The following MX2 variants were observed in gnomAD, a reference collection of about 807,000 sequenced individuals.
MX2 encodes MX dynamin like GTPase 2.
In MX2, 51 loss-of-function variants were observed where a neutral mutation model predicts 74.0. The ratio of observed to expected loss-of-function variants is 0.69; its 90% confidence interval spans 0.55 to 0.87. The LOEUF (loss-of-function observed/expected upper bound fraction) is 0.87, where lower values mean the gene tolerates loss of function less well. MX2 is among the 40% of genes least tolerant of loss of function. The pLI, the probability that MX2 is intolerant of heterozygous loss-of-function variation, is 0.00. For missense variants in MX2, 832 were observed against 908.7 expected (o/e 0.92, Z 1.09); for synonymous variants, 369 against 339.3 (o/e 1.09, Z -0.96).
At chr21:41,370,394 ATGTAAGGAAAGGGGCC>A (rs2089308247) in intron 1 of MX2, 1 of 152,278 alleles carries the variant, frequency 6.6e-6, no homozygotes, top group South Asian at 2.1e-4. Flanking sequence ...CATTGGCACC[ATGTAAGGAAAGGGGCC>A]CTCCCGTGGC....
Position 41,406,923 on chromosome 21 carries a change from C to T in MX2, c.1830C>T (p.Asn610=). 6.2e-7 allele frequency: 1 copy of T among 1,614,120 alleles called. No individual in the cohort carries two copies. The highest frequency in any genetic ancestry group is 8.5e-7 in the Non-Finnish European group (1 of 1,179,956). Residue 610 remains asparagine, a synonymous_variant, in exon 13 of 14, where the codon AAC becomes AAT. Coordinates refer to ENST00000330714, the MANE Select transcript of MX2 (RefSeq NM_002463.2). ...LGTPSQNMKL[N]SHFPSNESSV... is the part of the protein sequence containing the mutation. ...CGCCTTCACAGAATATGAAGTTGAA[C>T]TCTCATTTTCCCAGTAATGAGTCTT...
In MX2 at chr21:41,393,093, AT is replaced by A. The variant is rs568880774; in HGVS notation, c.871+2392del. Among the ~76,000 whole-genome samples the A allele has an allele frequency of 1.6e-4, 21 of 132,076 alleles. No homozygotes were observed. In the South Asian group the frequency reaches 5.7e-3, roughly 36 times the overall value. 86.6% of individuals were successfully genotyped at this position (132,076 alleles called of 152,430 possible). The stretch of plus-strand genomic sequence containing the variant: ...CACTCCAGCCTGGTGACAGAGTGAG[AT>A]TCTGTCTCAAAAAAGCAAAAAAAAA... On this transcript the variant is annotated intron_variant, in intron 6 of 13. Coordinates refer to ENST00000330714, the MANE Select transcript of MX2 (RefSeq NM_002463.2).
chr21:41,378,050 G>A (rs1378610638), intron 3 of MX2, 69 bp downstream of exon 3: 4 of 1,527,456 alleles, frequency 2.6e-6, no homozygotes, highest in Admixed American at 2.0e-5. Context: ...GCTTCCCCAG[G>A]CACCAAGAGG....
rs1226009594 is a variant in MX2, at chr21:41,382,525, G to T, written c.693G>T (p.Arg231Ser). 4 of 1,614,074 alleles carry T rather than the reference G, an allele frequency of 2.5e-6. No homozygotes were observed. Among genetic ancestry groups the T allele is most frequent in the Non-Finnish European group, 3.4e-6 (4 of 1,180,058 alleles). The change falls in exon 5 of 14, where the codon AGG becomes AGT. Residue 231 changes from arginine to serine, a missense_variant. Arg to Ser is a moderately radical substitution (Grantham distance 110). Coordinates refer to ENST00000330714, the MANE Select transcript of MX2 (RefSeq NM_002463.2). ...TCATTGACCTTCCCGGCATCACCAG[G>T]GTGGCTGTGGACAACCAGCCCCGAG... is the stretch of plus-strand genomic sequence containing the variant. ...LTIIDLPGIT[R>S]VAVDNQPRDI...
At chr21:41,382,329 G>A (rs866799441) in intron 4 of MX2, 81 bp from the exon 5 acceptor site, 2 of 1,496,512 alleles carry the variant, frequency 1.3e-6, no homozygotes, top group Non-Finnish European at 9.0e-7. Context: ...CTGGAAAGGA[G>A]CAGTCATTAC....
chr21:41,390,957 G>C (rs2089651197), intron 6 of MX2, among the ~76,000 whole-genome samples: 2 of 150,308 alleles, frequency 1.3e-5, no homozygotes, highest in South Asian at 4.3e-4. Flanking sequence ...AGTGAGCCGA[G>C]ATCATGCCAC....
At chr21:41,364,777 A>G (rs2089249559) in intron 1 of MX2, 2 of 152,212 alleles carry the variant, frequency 1.3e-5, no homozygotes, top group Admixed American at 6.5e-5. Context: ...TTGGAGTCCA[A>G]TGTTCGAGGG....
intron 5 of MX2, chr21:41,389,483 T>G (rs1203115212): frequency 1.3e-5 from 2 of 152,264 alleles, no homozygotes; most frequent in Admixed American, 1.3e-4. Flanking sequence ...ATTGTACCAC[T>G]GCACTCCAGC....
rs758557336 is a variant in MX2 at position 41,382,470 on chromosome 21, T to C, written c.638T>C (p.Ile213Thr). Reference sequence around the variant, plus strand: ...AGCCATGAGCTCATCAGCCTGGAGATCACCTCCCCTGAGGTTCCAGACCTG... The same window carrying C: ...AGCCATGAGCTCATCAGCCTGGAGACCACCTCCCCTGAGGTTCCAGACCTG... ...GISHELISLEITSPEVPDLTI... is the reference protein window; with the variant it reads ...GISHELISLETTSPEVPDLTI... Residue 213 changes from isoleucine to threonine, a missense_variant, in exon 5 of 14, where the codon ATC becomes ACC. Coordinates refer to ENST00000330714, the MANE Select transcript of MX2 (RefSeq NM_002463.2). 2 of 1,614,154 alleles carry C rather than the reference T, an allele frequency of 1.2e-6. No individual in the cohort carries two copies. The highest frequency in any genetic ancestry group is 2.2e-5 in the South Asian group (2 of 91,086).
At chr21:41,372,710 T>A (rs1365601297) in intron 1 of MX2, among the ~76,000 whole-genome samples, 3 of 152,240 alleles carry the variant, frequency 2.0e-5, no homozygotes, top group African/African-American at 7.2e-5. Context: ...CCTCTGTGCT[T>A]CCGTAGCATC....
At chr21:41,405,816 T>C (rs1336246347) in intron 12 of MX2, among the ~76,000 whole-genome samples, 1 of 149,412 alleles carries the variant, frequency 6.7e-6, no homozygotes, top group Non-Finnish European at 1.5e-5. Context: ...GTGATTCTCC[T>C]GCCTCAGCCT....
At position 41,380,970 on chromosome 21, in the gene MX2, C is replaced by T. The variant is rs1601405514; in HGVS notation, c.577+819C>T. Among the ~76,000 whole-genome samples, 1 of 152,280 alleles carries T rather than the reference C, an allele frequency of 6.6e-6. No homozygotes were observed. The highest frequency in any genetic ancestry group is 2.4e-5 in the African/African-American group (1 of 41,556). ...ACTCCCTGCAGGGAGGAACTAAGTC[C>T]AAGGAAGGCCTTTTGCATTACTGGA... On this transcript the variant is annotated intron_variant, in intron 4 of 13. Coordinates refer to ENST00000330714, the MANE Select transcript of MX2 (RefSeq NM_002463.2). This position sits in a 1 kb window ranked among gnomAD's most constrained non-coding sequence, Gnocchi z 4.3.
chr21:41,389,674 A>C (rs974721561), intron 5 of MX2: 3 of 152,148 alleles, frequency 2.0e-5, no homozygotes, highest in Non-Finnish European at 4.4e-5. Context: ...TCCAGTGCTC[A>C]ATTTCTTCTG....
intron 11 of MX2, 136 bp from the exon 12 acceptor site, chr21:41,403,131 A>T: frequency 1.5e-6 from 1 of 668,046 alleles, no homozygotes; most frequent in South Asian, 1.8e-5. Context: ...CGCGGTTTGC[A>T]GGTCTAGGGA....
At chr21:41,407,359 G>A (rs1443232458) in intron 13 of MX2, among the ~76,000 whole-genome samples, 2 of 152,108 alleles carry the variant, frequency 1.3e-5, no homozygotes, top group Non-Finnish European at 2.9e-5. Context: ...CTATAAACTA[G>A]CTTTCCTTGG....
intron 7 of MX2, among the ~76,000 whole-genome samples, chr21:41,397,258 T>G (rs998865777): frequency 1.3e-5 from 2 of 152,254 alleles, no homozygotes; most frequent in Non-Finnish European, 2.9e-5. Flanking sequence ...TATAAAGCCC[T>G]TAGATTGGTG....
intron 3 of MX2, among the ~76,000 whole-genome samples, chr21:41,378,505 A>T (rs2089445098): frequency 6.6e-6 from 1 of 152,212 alleles, no homozygotes; most frequent in Non-Finnish European, 1.5e-5. Context: ...TGATAAGTTG[A>T]TAAGTTTTAG....
intron 1 of MX2, among the ~76,000 whole-genome samples, chr21:41,375,833 A>G (rs1485668818): frequency 6.6e-6 from 1 of 152,022 alleles, no homozygotes; most frequent in Admixed American, 6.6e-5. Flanking sequence ...CCACATTACT[A>G]CTAGAGGAAA....
intron 1 of MX2, 69 bp from the exon 2 acceptor site, chr21:41,376,767 G>T: frequency 7.8e-7 from 1 of 1,286,704 alleles, no homozygotes; most frequent in African/African-American, 1.5e-5. Context: ...AGGAGGGGTT[G>T]GCAAAAGTGC....
Sources: gnomAD v4.1 joint callset for allele counts (sites outside exome capture counted in the v4.1 genomes callset) on GRCh38, gnomAD v4.1.1 for gene constraint, Gnocchi (gnomAD v3.1) non-coding constraint, MANE v1.5 for transcripts, NCBI Gene and HGNC (gene_info 2026-07-23, HGNC 2026-07-21) for gene names.